PPRC1: variants seen among roughly 807,000 people sequenced by gnomAD.
The protein encoded by PPRC1 is peroxisome proliferator-activated receptor gamma coactivator-related protein 1.
In PPRC1, 23 loss-of-function variants were observed where a neutral mutation model predicts 132.5. That is an observed-to-expected ratio of 0.17 (90% CI 0.12 to 0.25). The LOEUF (loss-of-function observed/expected upper bound fraction) is 0.25. Ranked by LOEUF, PPRC1 falls within the 10% of genes least tolerant of loss-of-function variation. The pLI is 1.00. For synonymous variants in PPRC1, 872 were observed against 833.5 expected, an observed-to-expected ratio of 1.05 and a Z score of -0.80; for missense variants, 2,006 against 2,089.1, an observed-to-expected ratio of 0.96 and a Z score of 0.78.
Position 102,148,378 on chromosome 10 carries a change from C to T in PPRC1, c.4407C>T (p.Ser1469=), listed in dbSNP as rs755158437. The T allele has an allele frequency of 1.2e-6, 2 of 1,613,058 alleles. No individual in the cohort carries two copies. The highest frequency in any genetic ancestry group is 1.1e-5 in the South Asian group (1 of 91,020). The change falls in exon 10 of 14, where the codon AGC becomes AGT. Residue 1469 remains serine (S), a synonymous_variant. Coordinates refer to ENST00000278070, the MANE Select transcript of PPRC1 (RefSeq NM_015062.5). This position sits in a 1 kb window ranked among gnomAD's most constrained non-coding sequence, Gnocchi z 4.2. ...SPPHKRWRRS[S]CSSSGRSRRC... The stretch of plus-strand genomic sequence containing the variant: ...ATGCCCTCTTATCCTTCAGGTCCAG[C>T]TGTAGTTCCTCTGGACGTTCTCGAA...
intron 2 of PPRC1, 113 bp from the exon 3 acceptor site, chr10:102,138,506 C>A: frequency 7.7e-7 from 1 of 1,290,746 alleles, no homozygotes; most frequent in Non-Finnish European, 1.1e-6. Context: ...CTTCTCGCTG[C>A]CCCATTAGCT....
Position 102,148,956 on chromosome 10 carries a change from G to T in PPRC1, c.4739+18G>T, listed in dbSNP as rs1227337698. ...GTCCAAGGGTAAGCTTGGGCCCCAGGCTCAGGATGTTCTTTCTATCCCATT... is the reference window on the plus strand; with the variant it reads ...GTCCAAGGGTAAGCTTGGGCCCCAGTCTCAGGATGTTCTTTCTATCCCATT... On this transcript the variant is annotated intron_variant, in intron 12 of 13. Coordinates refer to ENST00000278070, the MANE Select transcript of PPRC1 (RefSeq NM_015062.5). The surrounding 1 kb of genome is among the most constrained non-coding windows in gnomAD (Gnocchi z 4.2). The T allele has an allele frequency of 1.2e-6, 2 of 1,612,020 alleles. No individual in the cohort carries two copies. Among genetic ancestry groups the T allele is most frequent in the Non-Finnish European group, 1.7e-6 (2 of 1,179,372 alleles).
chr10:102,132,947 C>T (rs773532357), upstream of PPRC1: 1 of 1,220,220 alleles, frequency 8.2e-7, no homozygotes, highest in Non-Finnish European at 1.0e-6. Flanking sequence ...TGGGTCTCGC[C>T]GCACGGCTCT....
At chr10:102,146,137 G>A (rs2069236947) in intron 8 of PPRC1, among the ~76,000 whole-genome samples, 2 of 152,196 alleles carry the variant, frequency 1.3e-5, no homozygotes, top group Admixed American at 6.5e-5. Context: ...CAGAGGTAAA[G>A]CGAGAGATAA....
chr10:102,147,360 G>T lies in PPRC1; in HGVS notation c.4368G>T (p.Arg1456Ser). The T allele has an allele frequency of 6.2e-7, 1 of 1,608,578 alleles. No individual in the cohort carries two copies. The highest frequency in any genetic ancestry group is 1.3e-5 in the African/African-American group (1 of 75,048). Residue 1456 changes from arginine to serine, a missense_variant, in exon 9 of 14, where the codon AGG becomes AGT. Around this residue, in one of 2 missense-constraint regions of PPRC1, gnomAD observed 1,914 missense variants for 1,917.2 expected, o/e 1.00. Transcript: ENST00000278070. ...CTTCCTCATCCCGATCTCGGTCCAG[G>T]TCCCTCTCCCCCCCACACAAGAGGT... ...SSSSSSRSRSRSLSPPHKRWR... is the reference protein window; with the variant it reads ...SSSSSSRSRSSSLSPPHKRWR...
Position 102,141,961 on chromosome 10 carries a change from T to G in PPRC1, c.3453T>G (p.Thr1151=). Residue 1151 remains threonine (T), a synonymous_variant, in exon 5 of 14, where the codon ACT becomes ACG. Coordinates refer to ENST00000278070, the MANE Select transcript of PPRC1 (RefSeq NM_015062.5). ...TGTCCTTCCTGCCTACCCCACGTAC[T>G]CAGGGTTCTGAAGATGTGGTACAGG... is the stretch of plus-strand genomic sequence containing the variant. The part of the protein sequence containing the change: ...RKLSFLPTPR[T]QGSEDVVQAF... The G allele has an allele frequency of 6.2e-7, 1 of 1,613,802 alleles. No homozygotes were observed. The highest frequency in any genetic ancestry group is 8.5e-7 in the Non-Finnish European group (1 of 1,179,794).
At chr10:102,136,164 T>A (rs961779355) in intron 1 of PPRC1, among the ~76,000 whole-genome samples, 1 of 152,162 alleles carries the variant, frequency 6.6e-6, no homozygotes, top group Non-Finnish European at 1.5e-5. Context: ...TTTGTAATTA[T>A]AGGATTGTGA....
chr10:102,137,898 C>A lies in PPRC1; in HGVS notation c.202C>A (p.Arg68=). The A allele has an allele frequency of 3.1e-6, 5 of 1,614,056 alleles. No individual in the cohort carries two copies. The highest frequency in any genetic ancestry group is 4.2e-6 in the Non-Finnish European group (5 of 1,180,008). ...TGATTCTGGCTTTGTCAGTCTCTCTCGGCTGGGCCCATCTCTGAGGGACAA... is the reference window on the plus strand; with the variant it reads ...TGATTCTGGCTTTGTCAGTCTCTCTAGGCTGGGCCCATCTCTGAGGGACAA... ...AGDSGFVSLS[R]LGPSLRDKDL... The change falls in exon 2 of 14, where the codon CGG becomes AGG. Residue 68 remains arginine, a synonymous_variant. Coordinates refer to ENST00000278070, the MANE Select transcript of PPRC1 (RefSeq NM_015062.5).
intron 1 of PPRC1, among the ~76,000 whole-genome samples, chr10:102,137,400 G>A (rs1365624358): frequency 6.6e-6 from 1 of 152,152 alleles, no homozygotes; most frequent in Non-Finnish European, 1.5e-5. Context: ...AAGCTGGGGT[G>A]TCTTCTTGAA....
intron 5 of PPRC1, 136 bp downstream of exon 5, chr10:102,142,140 T>A: frequency 6.2e-5 from 60 of 971,908 alleles, no homozygotes; most frequent in Non-Finnish European, 8.4e-5. Context: ...TGAGATGGAG[T>A]CTTGCTCTGT....
At chr10:102,122,087 T>C in the PPRC1 span, among the ~76,000 whole-genome samples, 1 of 151,854 alleles carries the variant, frequency 6.6e-6, no homozygotes, top group Non-Finnish European at 1.5e-5. Flanking sequence ...CCCCCAGGTT[T>C]CCCCATCTCC....
At chr10:102,136,311 C>T (rs1009776724) in intron 1 of PPRC1, among the ~76,000 whole-genome samples, 4 of 150,530 alleles carry the variant, frequency 2.7e-5, no homozygotes, top group Admixed American at 6.6e-5. Flanking sequence ...TATATATTGC[C>T]GGGGTGTGGG....
chr10:102,120,452 C>G, the PPRC1 span: 1 of 951,648 alleles, frequency 1.1e-6, no homozygotes. Context: ...TCTCCGCCCT[C>G]GCGCTCGCGC....
chr10:102,133,957 G>A (rs907654794), intron 1 of PPRC1, among the ~76,000 whole-genome samples: 3 of 151,886 alleles, frequency 2.0e-5, no homozygotes, highest in African/African-American at 7.3e-5. Context: ...CAGATGTTGC[G>A]GGAGTTTGTT....
chr10:102,137,530 C>G (rs1411407051), intron 1 of PPRC1, among the ~76,000 whole-genome samples: 2 of 152,126 alleles, frequency 1.3e-5, no homozygotes, highest in Admixed American at 1.3e-4. Context: ...AGACTGTTAT[C>G]TTCACTGCTG....
chr10:102,148,047 G>A lies in PPRC1; in HGVS notation c.4401-325G>A, dbSNP rs1447188036. On this transcript the variant is annotated intron_variant, in intron 9 of 13. Coordinates refer to ENST00000278070, the MANE Select transcript of PPRC1 (RefSeq NM_015062.5). This position sits in a 1 kb window ranked among gnomAD's most constrained non-coding sequence, Gnocchi z 4.2. ...CAGCACCACAGATAGCTGGGTGTGA[G>A]ACCTAGGGCTCACCCCTCTCCCTGA... Among the ~76,000 whole-genome samples, 1 of 152,112 alleles carries A rather than the reference G, an allele frequency of 6.6e-6. No homozygotes were observed. Among genetic ancestry groups the A allele is most frequent in the Non-Finnish European group, 1.5e-5 (1 of 68,038 alleles).
intron 8 of PPRC1, among the ~76,000 whole-genome samples, chr10:102,145,355 G>A (rs1159617854): frequency 6.6e-6 from 1 of 151,970 alleles, no homozygotes; most frequent in African/African-American, 2.4e-5. Flanking sequence ...ATCACTTGAG[G>A]TCAGGAGTTC....
rs1332449797 is a variant in PPRC1, at chr10:102,138,996, A to C, written c.591+16A>C. 1 of 1,609,736 alleles carries C rather than the reference A, an allele frequency of 6.2e-7. No individual in the cohort carries two copies. Among genetic ancestry groups the C allele is most frequent in the Non-Finnish European group, 8.5e-7 (1 of 1,176,038 alleles). ...AGGGAGTGGGGTAAGCCTGACCTAG[A>C]GGGTTTCAGAAACTCCCAGGTGGGA... On this transcript the variant is annotated intron_variant, in intron 4 of 13. Coordinates refer to ENST00000278070, the MANE Select transcript of PPRC1 (RefSeq NM_015062.5).
chr10:102,138,874 C>T lies in PPRC1; in HGVS notation c.490-5C>T, dbSNP rs747341640. ...ACTGATCTCAGGTCTTTCTTTCCCT[C>T]TTAGCTGCACAAGCTGCTTACTCTC... On this transcript the variant is annotated splice_polypyrimidine_tract_variant and splice_region_variant and intron_variant, in intron 3 of 13. Transcript: ENST00000278070. The T allele has an allele frequency of 4.0e-5, 65 of 1,613,942 alleles. No individual in the cohort carries two copies. Among genetic ancestry groups the T allele is most frequent in the Non-Finnish European group, 4.7e-5 (56 of 1,179,820 alleles).
Sources: allele counts gnomAD v4.1 joint callset (sites outside exome capture counted in the v4.1 genomes callset), GRCh38; gene constraint gnomAD v4.1.1; regional missense constraint gnomAD v4.1.1; non-coding constraint Gnocchi (gnomAD v3.1); transcripts MANE v1.5; gene names NCBI Gene and HGNC (gene_info 2026-07-23, HGNC 2026-07-21).